Variants in TUT4 observed in about 807,000 individuals in gnomAD.
TUT4 encodes the protein terminal uridylyl transferase 4.
A neutral mutation model predicts 192.2 loss-of-function variants in TUT4; 36 were observed. That is an observed-to-expected ratio of 0.19 (90% CI 0.14 to 0.25). The LOEUF (loss-of-function observed/expected upper bound fraction) is 0.25. Ranked by LOEUF, TUT4 falls within the 10% of genes least tolerant of loss-of-function variation. TUT4 has a pLI of 1.00. For synonymous variants in TUT4, 618 were observed against 666.0 expected (o/e 0.93, Z 1.11); for missense variants, 1,493 against 1,957.2 (o/e 0.76, Z 4.47).
At chr1:52,473,597 T>A (rs932309458) in intron 13 of TUT4, among the ~76,000 whole-genome samples, 1 of 152,250 alleles carries the variant, frequency 6.6e-6, no homozygotes, top group Non-Finnish European at 1.5e-5. Context: ...AGCAGATTTT[T>A]AAAAAACAGG....
intron 28 of TUT4, among the ~76,000 whole-genome samples, chr1:52,428,217 G>T (rs1650635834): frequency 6.6e-6 from 1 of 152,236 alleles, no homozygotes; most frequent in Admixed American, 6.5e-5. Context: ...GCTGGGCACA[G>T]TGGCTCACGC....
chr1:52,461,676 T>C, intron 17 of TUT4, 36 bp downstream of exon 17: 1 of 1,542,758 alleles, frequency 6.5e-7, no homozygotes, highest in Non-Finnish European at 8.8e-7. Flanking sequence ...CTAAAAAAAT[T>C]TATTTTGTTT....
intron 24 of TUT4, among the ~76,000 whole-genome samples, chr1:52,443,458 G>A (rs867477136): frequency 7.1e-5 from 10 of 141,418 alleles, no homozygotes; most frequent in East Asian, 2.2e-4. Context: ...GTGTGGTGGC[G>A]CGTGCCTGTA....
intron 20 of TUT4, among the ~76,000 whole-genome samples, chr1:52,455,609 A>G (rs1660678799): frequency 2.4e-5 from 2 of 84,250 alleles, no homozygotes; most frequent in South Asian, 7.3e-4. Context: ...GCTACCTTTA[A>G]AAAAAAAAAA....
rs541277597 is a variant in TUT4, at chr1:52,469,742, T to C, written c.2879-1475A>G. Among the ~76,000 whole-genome samples the C allele has an allele frequency of 5.3e-5, 8 of 151,766 alleles. No homozygotes were observed. The South Asian group carries it at 1.7e-3, about 32-fold the overall frequency. Reference sequence around the variant, plus strand: ...TGTCTCTACTAAAAATACAAAAAATTAGCCGGGCGTGATGGCACGAGCCTG... The same window carrying C: ...TGTCTCTACTAAAAATACAAAAAATCAGCCGGGCGTGATGGCACGAGCCTG... On this transcript the variant is annotated intron_variant, in intron 14 of 29. Transcript: ENST00000257177.
Position 52,431,056 on chromosome 1 carries a change from C to A in TUT4, c.4668G>T (p.Val1556=), listed in dbSNP as rs1356236561. 2.5e-6 allele frequency: 4 copies of A among 1,604,372 alleles called. No homozygotes were observed. The highest frequency in any genetic ancestry group is 3.4e-6 in the Non-Finnish European group (4 of 1,172,236). The change falls in exon 28 of 30, where the codon GTG becomes GTT. Residue 1556 remains valine (V), a synonymous_variant. Transcript: ENST00000257177. The part of the protein sequence containing the change: ...TSHDGHWPRT[V]APNSLVNSGA... ...CACTGTTTACCAGGGAATTTGGAGCCACAGTACGGGGCCAGTGTCCATCGT... is the reference window on the plus strand; with the variant it reads ...CACTGTTTACCAGGGAATTTGGAGCAACAGTACGGGGCCAGTGTCCATCGT...
At chr1:52,500,491 G>C (rs959398226) in intron 4 of TUT4, among the ~76,000 whole-genome samples, 1 of 152,074 alleles carries the variant, frequency 6.6e-6, no homozygotes, top group African/African-American at 2.4e-5. Flanking sequence ...GGCCAGGCAC[G>C]GTGGCTCACG....
At chr1:52,435,230 C>A (rs1377578535) in intron 27 of TUT4, 135 bp downstream of exon 27, 2 of 550,306 alleles carry the variant, frequency 3.6e-6, no homozygotes, top group Admixed American at 7.5e-5. Flanking sequence ...CCTTATGTGC[C>A]TAGCAAGGAC....
At position 52,435,364 on chromosome 1, in the gene TUT4, C is replaced by T; in HGVS notation, c.4263+1G>A. On this transcript the variant is annotated splice_donor_variant, in intron 27 of 29. Coordinates refer to ENST00000257177, the MANE Select transcript of TUT4 (RefSeq NM_001009881.3). LOFTEE classifies it high-confidence loss of function. Reference sequence around the variant, plus strand: ...AACACATTCACAGGCAGAGTACTTACACATTCTGATGACTGTCTAGTCCTT... The same window carrying T: ...AACACATTCACAGGCAGAGTACTTATACATTCTGATGACTGTCTAGTCCTT... 6.2e-7 allele frequency: 1 copy of T among 1,612,226 alleles called. No homozygotes were observed. Among genetic ancestry groups the T allele is most frequent in the Non-Finnish European group, 8.5e-7 (1 of 1,178,536 alleles).
At chr1:52,427,007 A>G (rs950002482) in intron 28 of TUT4, among the ~76,000 whole-genome samples, 36 of 152,316 alleles carry the variant, frequency 2.4e-4, no homozygotes, top group Admixed American at 1.3e-3. Context: ...GTATCTATAC[A>G]ATGAATAATA....
chr1:52,549,826 G>A (rs6697253), intron 1 of TUT4, among the ~76,000 whole-genome samples: 13,229 of 151,996 alleles, frequency 0.087, 732 homozygotes, highest in East Asian at 0.2. Flanking sequence ...AGTGTCTAGC[G>A]CAGTGCCTGG....
chr1:52,441,282 C>CTTTT (rs201555130), intron 24 of TUT4, among the ~76,000 whole-genome samples: 3 of 118,222 alleles, frequency 2.5e-5, no homozygotes, highest in Admixed American at 8.7e-5. Flanking sequence ...GGGCATATGG[C>CTTTT]TTTTTTTTTT....
chr1:52,478,180 C>G (rs1667576708), intron 11 of TUT4, among the ~76,000 whole-genome samples: 1 of 152,208 alleles, frequency 6.6e-6, no homozygotes, highest in African/African-American at 2.4e-5. Flanking sequence ...CCACCTTCTA[C>G]ACCCCTCCCA....
intron 1 of TUT4, among the ~76,000 whole-genome samples, chr1:52,535,707 T>G (rs962330341): frequency 6.6e-6 from 1 of 152,262 alleles, no homozygotes; most frequent in South Asian, 2.1e-4. Flanking sequence ...TTAAGCAGCG[T>G]AAACTCAAAG....
chr1:52,475,446 G>A lies in TUT4; in HGVS notation c.2113C>T (p.Arg705Trp), dbSNP rs369413824. The A allele has an allele frequency of 3.7e-5, 59 of 1,613,902 alleles. No individual in the cohort carries two copies. Among genetic ancestry groups the A allele is most frequent in the Non-Finnish European group, 3.3e-5 (39 of 1,180,032 alleles). ...YVVERFRAAY[R>W]YFACPQTKGG... ...TTCGTCTGAGGACAGGCAAAATACCGATAAGCTGCCCTAAATCTCTCCACA... is the reference window on the plus strand; with the variant it reads ...TTCGTCTGAGGACAGGCAAAATACCAATAAGCTGCCCTAAATCTCTCCACA... The change falls in exon 13 of 30, where the codon CGG (arginine) becomes TGG (tryptophan). Residue 705 changes from arginine (R) to tryptophan (W), a missense_variant. Transcript: ENST00000257177.
intron 28 of TUT4, among the ~76,000 whole-genome samples, chr1:52,429,440 C>T (rs895768152): frequency 2.6e-5 from 4 of 151,578 alleles, no homozygotes; most frequent in African/African-American, 4.8e-5. Context: ...CACAGCTACT[C>T]AGGAGGCTAA....
intron 9 of TUT4, among the ~76,000 whole-genome samples, chr1:52,482,337 A>G (rs1668689031): frequency 1.3e-5 from 2 of 152,184 alleles, no homozygotes; most frequent in Non-Finnish European, 2.9e-5. Context: ...GTTTTTCAAC[A>G]TTATTTTACC....
At chr1:52,455,679 A>C (rs2148613769) in intron 20 of TUT4, among the ~76,000 whole-genome samples, 3 of 145,002 alleles carry the variant, frequency 2.1e-5, no homozygotes, top group Admixed American at 6.9e-5. Context: ...GGGAGAGGGA[A>C]GGAGGAAGGG....
At chr1:52,436,615 AT>A in intron 26 of TUT4, 139 bp downstream of exon 26, 1 of 1,357,626 alleles carries the variant, frequency 7.4e-7, no homozygotes, top group Admixed American at 2.3e-5. Flanking sequence ...CATTGTCTAA[AT>A]TTTATCTCTT....
Sources: allele counts gnomAD v4.1 joint callset (sites outside exome capture counted in the v4.1 genomes callset), GRCh38; gene constraint gnomAD v4.1.1; transcripts MANE v1.5; gene names NCBI Gene and HGNC (gene_info 2026-07-23, HGNC 2026-07-21).